Variants in ENTREP2 observed in about 807,000 individuals in gnomAD.
ENTREP2 encodes endosomal transmembrane epsin interactor 2.
the ENTREP2 span, among the ~76,000 whole-genome samples, chr15:29,553,161 T>C: frequency 1.3e-5 from 2 of 152,168 alleles, 1 homozygote; most frequent in Non-Finnish European, 2.9e-5. Context: ...CCACTTATGG[T>C]GGCACATGCC....
the ENTREP2 span, among the ~76,000 whole-genome samples, chr15:29,276,573 G>A: frequency 6.6e-6 from 1 of 152,208 alleles, no homozygotes; most frequent in Non-Finnish European, 1.5e-5. Context: ...ACAAGCTGAG[G>A]GGTGATGTAA....
the ENTREP2 span, among the ~76,000 whole-genome samples, chr15:29,396,499 G>C: frequency 6.6e-6 from 1 of 152,104 alleles, no homozygotes; most frequent in East Asian, 1.9e-4. Context: ...TTTTCTATAT[G>C]TTCTGGATAA....
the ENTREP2 span, among the ~76,000 whole-genome samples, chr15:29,221,059 T>C: frequency 2.0e-5 from 3 of 152,112 alleles, no homozygotes; most frequent in Admixed American, 6.5e-5. Flanking sequence ...GCGATGCCAG[T>C]TGGAACTCCT....
chr15:29,515,334 G>A, the ENTREP2 span, among the ~76,000 whole-genome samples: 1,526 of 152,226 alleles, frequency 0.01, 19 homozygotes, highest in African/African-American at 0.035. Context: ...TCCAAAGGTC[G>A]GGGGGATGAT....
At chr15:29,601,474 T>G in the ENTREP2 span, among the ~76,000 whole-genome samples, 9 of 151,914 alleles carry the variant, frequency 5.9e-5, no homozygotes, top group African/African-American at 2.2e-4. Context: ...TGGGGTATCT[T>G]CTTCATTCTT....
the ENTREP2 span, among the ~76,000 whole-genome samples, chr15:29,570,222 G>C: frequency 2.6e-5 from 4 of 151,758 alleles, no homozygotes; most frequent in African/African-American, 9.7e-5. Flanking sequence ...CGGCCGCTGC[G>C]GGCTCGGAGG....
the ENTREP2 span, chr15:29,233,545 G>A: frequency 1.8e-6 from 1 of 569,742 alleles, no homozygotes; most frequent in Non-Finnish European, 3.1e-6. Flanking sequence ...CAGACCTTTT[G>A]TATACAATAC....
At chr15:29,561,105 T>C in the ENTREP2 span, among the ~76,000 whole-genome samples, 175 of 150,232 alleles carry the variant, frequency 1.2e-3, no homozygotes, top group African/African-American at 3.9e-3. Flanking sequence ...ACAGCAAGTG[T>C]TGGCAAAGAT....
chr15:29,565,545 T>C, the ENTREP2 span, among the ~76,000 whole-genome samples: 1 of 152,238 alleles, frequency 6.6e-6, no homozygotes, highest in Non-Finnish European at 1.5e-5. Context: ...AAAGATAATG[T>C]GTTAAAAAAT....
At chr15:29,161,342 C>G in the ENTREP2 span, among the ~76,000 whole-genome samples, 3 of 152,186 alleles carry the variant, frequency 2.0e-5, no homozygotes, top group African/African-American at 7.2e-5. Flanking sequence ...TGCAGGCATC[C>G]GTGGTGGGCC....
chr15:29,180,172 T>C, the ENTREP2 span, among the ~76,000 whole-genome samples: 3,407 of 152,176 alleles, frequency 0.022, 116 homozygotes, highest in African/African-American at 0.078. Flanking sequence ...AGTAAGGACA[T>C]AGAAGAGCTG....
At chr15:29,506,097 G>A in the ENTREP2 span, among the ~76,000 whole-genome samples, 1 of 152,008 alleles carries the variant, frequency 6.6e-6, no homozygotes, top group Non-Finnish European at 1.5e-5. Flanking sequence ...AACACAACAC[G>A]AGAACTTCGT....
the ENTREP2 span, among the ~76,000 whole-genome samples, chr15:29,526,661 G>A: frequency 4.0e-5 from 6 of 151,392 alleles, no homozygotes; most frequent in South Asian, 2.1e-4. Flanking sequence ...TAAAGATGGT[G>A]TCTTAACGAT....
the ENTREP2 span, among the ~76,000 whole-genome samples, chr15:29,615,306 C>T: frequency 1.3e-5 from 2 of 152,080 alleles, no homozygotes; most frequent in Admixed American, 1.3e-4. Flanking sequence ...CAGGCACACA[C>T]CACCATGCTG....
the ENTREP2 span, among the ~76,000 whole-genome samples, chr15:29,557,108 T>C: frequency 6.6e-6 from 1 of 152,132 alleles, no homozygotes; most frequent in Non-Finnish European, 1.5e-5. Flanking sequence ...ACACTGCCGG[T>C]CATGTGTCAG....
the ENTREP2 span, among the ~76,000 whole-genome samples, chr15:29,199,323 A>C: frequency 9.2e-5 from 14 of 152,212 alleles, no homozygotes; most frequent in Admixed American, 9.2e-4. Context: ...TGAGGGACTA[A>C]GCCAAGAAAA....
At chr15:29,648,322 C>T in the ENTREP2 span, among the ~76,000 whole-genome samples, 4 of 152,154 alleles carry the variant, frequency 2.6e-5, no homozygotes, top group Non-Finnish European at 5.9e-5. Context: ...ATCCTTGTCG[C>T]ACCATTAACT....
chr15:29,399,203 C>T, the ENTREP2 span, among the ~76,000 whole-genome samples: 1 of 152,172 alleles, frequency 6.6e-6, no homozygotes, highest in African/African-American at 2.4e-5. Context: ...CCTCGTAAAG[C>T]TTTTGGATGA....
At chr15:29,332,347 T>A in the ENTREP2 span, among the ~76,000 whole-genome samples, 1 of 152,240 alleles carries the variant, frequency 6.6e-6, no homozygotes. Flanking sequence ...AATCTGTGGT[T>A]ACTTTAGACC....
Sources: allele counts gnomAD v4.1 joint callset (sites outside exome capture counted in the v4.1 genomes callset), GRCh38; gene constraint gnomAD v4.1.1; transcripts MANE v1.5; gene names NCBI Gene and HGNC (gene_info 2026-07-23, HGNC 2026-07-21).